CMIP: variants seen among roughly 807,000 people sequenced by gnomAD.
The protein encoded by CMIP is C-Maf-inducing protein.
Under a neutral mutation model 97.3 loss-of-function variants are expected in CMIP, and 13 were observed. The ratio of observed to expected loss-of-function variants is 0.13; its 90% CI spans 0.09 to 0.21. The LOEUF is 0.21. Ranked by LOEUF, CMIP falls within the 10% of genes least tolerant of loss-of-function variation. CMIP has a pLI of 1.00. For missense variants in CMIP, 847 were observed against 1,024.9 expected (o/e 0.83, Z 2.37); for synonymous variants, 538 against 436.3 (o/e 1.23, Z -2.91).
chr16:81,709,421 A>G (rs1466065044), intron 20 of CMIP, among the ~76,000 whole-genome samples: 1 of 152,200 alleles, frequency 6.6e-6, no homozygotes, highest in African/African-American at 2.4e-5. Context: ...AGGCTGGGTT[A>G]TCTGCCCACG....
intron 2 of CMIP, among the ~76,000 whole-genome samples, chr16:81,615,405 G>GGTGT (rs201365765): frequency 6.9e-6 from 1 of 144,022 alleles, no homozygotes; most frequent in Non-Finnish European, 1.5e-5. Flanking sequence ...TGTGGTGTAT[G>GGTGT]GTGTGTGTGT....
chr16:81,635,355 C>T (rs1430683147), intron 3 of CMIP, among the ~76,000 whole-genome samples: 1 of 152,132 alleles, frequency 6.6e-6, no homozygotes, highest in Non-Finnish European at 1.5e-5. Context: ...AGGACAGAGT[C>T]AGGGGGAAGG....
intron 1 of CMIP, among the ~76,000 whole-genome samples, chr16:81,522,125 G>A (rs1198127850): frequency 6.6e-6 from 1 of 152,204 alleles, no homozygotes; most frequent in Non-Finnish European, 1.5e-5. Context: ...CAAGGGAAAT[G>A]TCAGACATCT....
intron 1 of CMIP, among the ~76,000 whole-genome samples, chr16:81,482,533 A>C (rs2089242073): frequency 6.6e-6 from 1 of 152,070 alleles, no homozygotes; most frequent in Non-Finnish European, 1.5e-5. Context: ...CCTGCTAAGT[A>C]GCTTCTGGAG....
chr16:81,630,653 G>C (rs1236244010), intron 3 of CMIP: 1 of 152,248 alleles, frequency 6.6e-6, no homozygotes, highest in Non-Finnish European at 1.5e-5. Context: ...GAATGGTGGG[G>C]AGGCAAGGAT....
At position 81,690,219 on chromosome 16, in the gene CMIP, G is replaced by A. The variant is rs942845042; in HGVS notation, c.1389-1556G>A. On this transcript the variant is annotated intron_variant, in intron 10 of 20. Coordinates refer to ENST00000537098, the MANE Select transcript of CMIP (RefSeq NM_198390.3). ...AGTCATTGGTAGGTTGATGGGGATG[G>A]CATTGAATCTATAAATTACCTTGGG... Among the ~76,000 whole-genome samples, 32 of 152,278 alleles carry A rather than the reference G, an allele frequency of 2.1e-4. 2 individuals carry two copies. Among genetic ancestry groups the A allele is most frequent in the Middle Eastern group, 3.4e-3 (1 of 294 alleles).
At chr16:81,569,647 T>C (rs958876834) in intron 1 of CMIP, among the ~76,000 whole-genome samples, 8 of 152,246 alleles carry the variant, frequency 5.3e-5, no homozygotes, top group Non-Finnish European at 1.0e-4. Flanking sequence ...CCGTTTCTAC[T>C]GTGTAAATAC....
intron 1 of CMIP, among the ~76,000 whole-genome samples, chr16:81,566,048 T>C (rs1176473388): frequency 6.6e-6 from 1 of 151,932 alleles, no homozygotes; most frequent in Admixed American, 6.5e-5. Flanking sequence ...GAGGCTGAAA[T>C]TGGGCAGCGG....
chr16:81,603,514 G>A (rs561710976), intron 1 of CMIP: 1 of 449,334 alleles, frequency 2.2e-6, no homozygotes, highest in East Asian at 7.0e-5. Context: ...TCTGTGGGCT[G>A]CGTTTGTCAC....
intron 13 of CMIP, 49 bp downstream of exon 13, chr16:81,693,536 G>A (rs1180563262): frequency 1.3e-6 from 2 of 1,581,162 alleles, no homozygotes; most frequent in South Asian, 1.2e-5. Flanking sequence ...GGGATGGCAG[G>A]ATGCACGAGG....
intron 1 of CMIP, among the ~76,000 whole-genome samples, chr16:81,525,390 A>G (rs1002436742): frequency 2.0e-5 from 3 of 151,994 alleles, no homozygotes; most frequent in Non-Finnish European, 4.4e-5. Flanking sequence ...TGATCCGTGC[A>G]TCTCGGCCTC....
Position 81,614,596 on chromosome 16 carries a change from C to T in CMIP, c.427-6280C>T, listed in dbSNP as rs1044525315. ...TTGGGTTAGACCTGGGTCCTTAAGC[C>T]GTGGTCCATGGTAGATTCCAAAACT... On this transcript the variant is annotated intron_variant, in intron 2 of 20. Coordinates refer to ENST00000537098, the MANE Select transcript of CMIP (RefSeq NM_198390.3). The surrounding 1 kb of genome is among the most constrained non-coding windows in gnomAD (Gnocchi z 5.3). Among the ~76,000 whole-genome samples, 2 of 152,018 alleles carry T rather than the reference C, an allele frequency of 1.3e-5. No homozygotes were observed. The highest frequency in any genetic ancestry group is 4.8e-5 in the African/African-American group (2 of 41,378).
At chr16:81,457,324 A>G (rs1309808193) in intron 1 of CMIP, among the ~76,000 whole-genome samples, 2 of 152,062 alleles carry the variant, frequency 1.3e-5, no homozygotes, top group African/African-American at 4.8e-5. Flanking sequence ...CCTCTCTTGT[A>G]AAAGCAAAAC....
At chr16:81,582,649 G>A (rs940766405) in intron 1 of CMIP, among the ~76,000 whole-genome samples, 1 of 152,098 alleles carries the variant, frequency 6.6e-6, no homozygotes, top group African/African-American at 2.4e-5. Flanking sequence ...CCAAAGTCAC[G>A]GTGGCTGCCA....
chr16:81,694,121 C>T (rs1358603235), intron 13 of CMIP, among the ~76,000 whole-genome samples: 2 of 152,226 alleles, frequency 1.3e-5, no homozygotes, highest in African/African-American at 2.4e-5. Context: ...TCATGCCTCA[C>T]AGCATCCCTG....
At chr16:81,637,173 C>A (rs1473471935) in intron 3 of CMIP, among the ~76,000 whole-genome samples, 1 of 152,154 alleles carries the variant, frequency 6.6e-6, no homozygotes, top group African/African-American at 2.4e-5. Flanking sequence ...TGGGTTCAAG[C>A]ATTTCTCCTG....
At chr16:81,451,604 G>T (rs765186732) in intron 1 of CMIP, among the ~76,000 whole-genome samples, 1 of 152,194 alleles carries the variant, frequency 6.6e-6, no homozygotes, top group Non-Finnish European at 1.5e-5. Context: ...GTTTCCTGGG[G>T]TTATTGCTAC....
chr16:81,593,933 TCCCTCTA>T (rs1267452322), intron 1 of CMIP, among the ~76,000 whole-genome samples: 3 of 151,230 alleles, frequency 2.0e-5, no homozygotes, highest in Non-Finnish European at 3.0e-5. Flanking sequence ...CCTTCCCTCT[TCCCTCTA>T]CCCTTACCTT....
rs372909837 is a variant in CMIP at position 81,640,742 on chromosome 16, G to T, written c.478-11461G>T. ...ACGTGGAGGTCTCTCTGGAGCATGTGTGTGTGTGTGTGTGTGTGTGTGTGT... is the reference window on the plus strand; with the variant it reads ...ACGTGGAGGTCTCTCTGGAGCATGTTTGTGTGTGTGTGTGTGTGTGTGTGT... On this transcript the variant is annotated intron_variant, in intron 3 of 20. Transcript: ENST00000537098. Among the ~76,000 whole-genome samples, 207 of 118,148 alleles carry T rather than the reference G, an allele frequency of 1.8e-3. 1 individual carries two copies. The highest frequency in any genetic ancestry group is 7.9e-3 in the African/African-American group (199 of 25,098). The allele number at this position is 118,148 out of a possible 152,430, so 77.5% of individuals were successfully genotyped here.
Sources: allele counts gnomAD v4.1 joint callset (sites outside exome capture counted in the v4.1 genomes callset), GRCh38; gene constraint gnomAD v4.1.1; non-coding constraint Gnocchi (gnomAD v3.1); transcripts MANE v1.5; gene names NCBI Gene and HGNC (gene_info 2026-07-23, HGNC 2026-07-21).